The following MACROD2 variants were observed in gnomAD, a reference collection of about 807,000 sequenced individuals.
The protein encoded by MACROD2 is ADP-ribose glycohydrolase MACROD2.
MACROD2 carries 36 observed loss-of-function variants against 70.4 expected under a neutral mutation model. The observed-to-expected ratio is 0.51, with a 90% CI of 0.39 to 0.68. The LOEUF (loss-of-function observed/expected upper bound fraction) is 0.68, where lower values mean the gene tolerates loss of function less well. Among genes scored for constraint, MACROD2 ranks in the 30% least tolerant of loss-of-function variants. The pLI is 0.00. For missense variants in MACROD2, 496 were observed against 538.4 expected, an observed-to-expected ratio of 0.92 and a Z score of 0.78; for synonymous variants, 172 against 178.8, an observed-to-expected ratio of 0.96 and a Z score of 0.30.
At chr20:15,456,683 C>T (rs931937831) in intron 7 of MACROD2, among the ~76,000 whole-genome samples, 4 of 152,108 alleles carry the variant, frequency 2.6e-5, no homozygotes, top group African/African-American at 9.7e-5. Context: ...CCCTCATTTT[C>T]CCTAGAGCAG....
intron 7 of MACROD2, among the ~76,000 whole-genome samples, chr20:15,454,169 G>T (rs964152733): frequency 6.6e-6 from 1 of 152,102 alleles, no homozygotes; most frequent in African/African-American, 2.4e-5. Flanking sequence ...CAAAGCCTTT[G>T]AATCATTTTT....
At chr20:16,041,393 A>G in intron 16 of MACROD2, 115 bp downstream of exon 16, 2 of 814,338 alleles carry the variant, frequency 2.5e-6, no homozygotes, top group Non-Finnish European at 3.7e-6. Context: ...TGGTTAGAAC[A>G]CAGTAAATTT....
intron 4 of MACROD2, among the ~76,000 whole-genome samples, chr20:14,529,895 A>T (rs1421902183): frequency 6.6e-6 from 1 of 152,250 alleles, no homozygotes; most frequent in Non-Finnish European, 1.5e-5. Context: ...AGAGGGTAAT[A>T]GTGTTTTCTT....
intron 8 of MACROD2, among the ~76,000 whole-genome samples, chr20:15,658,879 A>T (rs2049774049): frequency 6.6e-6 from 1 of 152,182 alleles, no homozygotes; most frequent in Non-Finnish European, 1.5e-5. Flanking sequence ...AAGTGCCTGC[A>T]ACAATACTGT....
chr20:14,313,985 G>T (rs766321855), intron 3 of MACROD2, among the ~76,000 whole-genome samples: 2 of 152,066 alleles, frequency 1.3e-5, no homozygotes, highest in Non-Finnish European at 2.9e-5. Context: ...ACCAAGAGTG[G>T]CTAATTCATC....
chr20:15,182,773 T>C (rs990145337), intron 5 of MACROD2, among the ~76,000 whole-genome samples: 8 of 152,164 alleles, frequency 5.3e-5, no homozygotes, highest in African/African-American at 1.9e-4. Flanking sequence ...TCTTTACTCA[T>C]TCATTTAATC....
intron 5 of MACROD2, among the ~76,000 whole-genome samples, chr20:15,117,707 G>A (rs1292607066): frequency 1.3e-5 from 2 of 152,128 alleles, no homozygotes; most frequent in Admixed American, 6.5e-5. Flanking sequence ...CTTAGCTTAG[G>A]ATTGTTACAT....
chr20:14,459,116 A>C lies in MACROD2; in HGVS notation c.272-34363A>C, dbSNP rs1050525853. Among the ~76,000 whole-genome samples the C allele has an allele frequency of 9.9e-5, 15 of 152,168 alleles. No individual in the cohort carries two copies. The East Asian group carries it at 2.9e-3, about 29-fold the overall frequency. ...ATCTAAGAACTCTGAGTCTTGTAGC[A>C]GGTAAGACATTTGTAAGGGCTACTT... On this transcript the variant is annotated intron_variant, in intron 3 of 17. Transcript: ENST00000684519.
intron 5 of MACROD2, among the ~76,000 whole-genome samples, chr20:14,918,075 G>A (rs1267244600): frequency 2.0e-5 from 3 of 152,046 alleles, no homozygotes; most frequent in Non-Finnish European, 4.4e-5. Flanking sequence ...CCAGGTTCAG[G>A]TGATCCTCCC....
chr20:14,357,058 T>C (rs2083179257), intron 3 of MACROD2, among the ~76,000 whole-genome samples: 2 of 152,300 alleles, frequency 1.3e-5, no homozygotes. Flanking sequence ...CTTCATGGAG[T>C]ACTACTTCCA....
At chr20:14,068,847 A>G (rs1184253404) in intron 2 of MACROD2, among the ~76,000 whole-genome samples, 1 of 152,234 alleles carries the variant, frequency 6.6e-6, no homozygotes, top group Non-Finnish European at 1.5e-5. Flanking sequence ...TTTGGGATCC[A>G]TTAAAGAACT....
intron 5 of MACROD2, among the ~76,000 whole-genome samples, chr20:15,139,387 G>C (rs1051160208): frequency 3.3e-5 from 5 of 152,078 alleles, no homozygotes; most frequent in African/African-American, 4.8e-5. Context: ...TTTATGGTGG[G>C]GGGGTGTCGT....
At chr20:15,798,652 T>G (rs2063697090) in intron 8 of MACROD2, among the ~76,000 whole-genome samples, 1 of 152,202 alleles carries the variant, frequency 6.6e-6, no homozygotes, top group Admixed American at 6.5e-5. Flanking sequence ...GAGATATTTT[T>G]TGTAGCTACC....
intron 6 of MACROD2, among the ~76,000 whole-genome samples, chr20:15,302,387 C>CACGACAT (rs1555802634): frequency 1.3e-5 from 2 of 150,452 alleles, no homozygotes; most frequent in Non-Finnish European, 3.0e-5. Flanking sequence ...CACACATACA[C>CACGACAT]ACATACAGAT....
At chr20:14,627,825 C>CA (rs1200111959) in intron 4 of MACROD2, among the ~76,000 whole-genome samples, 3 of 151,990 alleles carry the variant, frequency 2.0e-5, no homozygotes, top group African/African-American at 7.3e-5. Context: ...GATTCAATGA[C>CA]AAAAAATGCA....
intron 3 of MACROD2, among the ~76,000 whole-genome samples, chr20:14,447,099 A>G (rs1600245555): frequency 6.6e-6 from 1 of 151,892 alleles, no homozygotes; most frequent in African/African-American, 2.4e-5. Flanking sequence ...GCTCACTGCA[A>G]CCTCCACCTC....
At chr20:14,858,791 T>A (rs73089903) in intron 5 of MACROD2, among the ~76,000 whole-genome samples, 1 of 151,938 alleles carries the variant, frequency 6.6e-6, no homozygotes, top group Admixed American at 6.6e-5. Context: ...ACTTTAAACA[T>A]GTTTTCAAAC....
At chr20:14,891,592 C>T (rs1344638396) in intron 5 of MACROD2, among the ~76,000 whole-genome samples, 1 of 152,116 alleles carries the variant, frequency 6.6e-6, no homozygotes, top group South Asian at 2.1e-4. Context: ...ATTTTCTATG[C>T]TCATTCTGTC....
At chr20:15,191,315 C>T (rs967419512) in intron 5 of MACROD2, among the ~76,000 whole-genome samples, 2 of 152,174 alleles carry the variant, frequency 1.3e-5, no homozygotes, top group African/African-American at 4.8e-5. Context: ...GATGAGCTCA[C>T]ACACACAGGC....
Sources: allele counts gnomAD v4.1 joint callset (sites outside exome capture counted in the v4.1 genomes callset), GRCh38; gene constraint gnomAD v4.1.1; transcripts MANE v1.5; gene names NCBI Gene and HGNC (gene_info 2026-07-23, HGNC 2026-07-21).